NRG3: variants seen among roughly 807,000 people sequenced by gnomAD.
NRG3 encodes the protein neuregulin 3.
A neutral mutation model predicts 66.9 loss-of-function variants in NRG3; 31 were observed. That is an observed-to-expected ratio of 0.46 (90% confidence interval 0.35 to 0.63). The LOEUF (loss-of-function observed/expected upper bound fraction) is 0.63. Among genes scored for constraint, NRG3 ranks in the 20% least tolerant of loss-of-function variants. The pLI, the probability that NRG3 is intolerant of heterozygous loss-of-function variation, is 0.00. For synonymous variants in NRG3, 393 were observed against 359.4 expected, an observed-to-expected ratio of 1.09 and a Z score of -1.06; for missense variants, 910 against 878.9, an observed-to-expected ratio of 1.04 and a Z score of -0.45.
At chr10:82,828,249 A>G (rs2062339016) in intron 3 of NRG3, among the ~76,000 whole-genome samples, 1 of 152,234 alleles carries the variant, frequency 6.6e-6, no homozygotes, top group African/African-American at 2.4e-5. Context: ...CTAGGAATGT[A>G]CAAAGTTCAT....
At chr10:82,138,630 G>A (rs532624638) in intron 1 of NRG3, among the ~76,000 whole-genome samples, 1 of 152,270 alleles carries the variant, frequency 6.6e-6, no homozygotes, top group African/African-American at 2.4e-5. Flanking sequence ...TAGGCCATCT[G>A]CAAGTCGAGG....
chr10:82,900,637 G>A (rs759812251), intron 4 of NRG3, among the ~76,000 whole-genome samples: 4 of 151,976 alleles, frequency 2.6e-5, no homozygotes, highest in South Asian at 2.1e-4. Context: ...TTTTGCATGC[G>A]TTATTTCATT....
intron 1 of NRG3, among the ~76,000 whole-genome samples, chr10:82,145,444 T>A (rs574447060): frequency 1.3e-5 from 2 of 152,296 alleles, no homozygotes; most frequent in South Asian, 4.1e-4. Context: ...ATATCAAAGC[T>A]CATGTGTTCT....
intron 3 of NRG3, among the ~76,000 whole-genome samples, chr10:82,772,034 A>G (rs2059731102): frequency 6.6e-6 from 1 of 152,182 alleles, no homozygotes; most frequent in Admixed American, 6.5e-5. Flanking sequence ...ACATGGGATT[A>G]TGAATATTGT....
At chr10:82,596,631 A>G (rs1435981203) in intron 2 of NRG3, among the ~76,000 whole-genome samples, 1 of 152,168 alleles carries the variant, frequency 6.6e-6, no homozygotes, top group African/African-American at 2.4e-5. Flanking sequence ...GAACAACAAC[A>G]AAAAAGGGGC....
chr10:82,464,623 C>G (rs1233713609), intron 2 of NRG3, among the ~76,000 whole-genome samples: 2 of 152,170 alleles, frequency 1.3e-5, no homozygotes, highest in African/African-American at 4.8e-5. Context: ...TGGTCAGCAG[C>G]TTCTCAGCCC....
At chr10:82,519,238 T>C (rs760327937) in intron 2 of NRG3, among the ~76,000 whole-genome samples, 1 of 152,204 alleles carries the variant, frequency 6.6e-6, no homozygotes, top group Non-Finnish European at 1.5e-5. Flanking sequence ...GGAGAATCTA[T>C]AGTCTCATGG....
At chr10:82,914,053 A>G (rs73311337) in intron 4 of NRG3, among the ~76,000 whole-genome samples, 5,990 of 151,950 alleles carry the variant, frequency 0.039, 138 homozygotes, top group Middle Eastern at 0.1. Flanking sequence ...AAGCATACTG[A>G]GTCCTTCCTT....
intron 1 of NRG3, among the ~76,000 whole-genome samples, chr10:82,305,945 G>A (rs566594623): frequency 2.0e-5 from 3 of 152,254 alleles, no homozygotes; most frequent in African/African-American, 7.2e-5. Context: ...ATACCTGCAA[G>A]GTTTGACATT....
At chr10:82,723,705 C>T (rs1033515391) in intron 2 of NRG3, among the ~76,000 whole-genome samples, 7 of 152,138 alleles carry the variant, frequency 4.6e-5, no homozygotes, top group South Asian at 2.1e-4. Flanking sequence ...ATAGTCCAGG[C>T]GTGGTGGCTC....
chr10:82,060,078 T>C (rs2064063132), intron 1 of NRG3, among the ~76,000 whole-genome samples: 1 of 152,180 alleles, frequency 6.6e-6, no homozygotes. Flanking sequence ...CAATTAAGAT[T>C]GGCACAATAT....
chr10:82,824,281 G>T (rs1231194377), intron 3 of NRG3, among the ~76,000 whole-genome samples: 1 of 152,118 alleles, frequency 6.6e-6, no homozygotes, highest in Non-Finnish European at 1.5e-5. Context: ...ATCAACTGAT[G>T]GGCATCTTTC....
chr10:81,927,286 A>T (rs1846900444), intron 1 of NRG3, among the ~76,000 whole-genome samples: 2 of 152,168 alleles, frequency 1.3e-5, no homozygotes, highest in African/African-American at 2.4e-5. Context: ...CTGAATTATT[A>T]ATATCCTATC....
In NRG3 at chr10:82,840,367, T is replaced by C. The variant is rs2062997773; in HGVS notation, c.1028-25044T>C. 2.0e-5 allele frequency among the ~76,000 whole-genome samples: 3 copies of C among 152,124 alleles called. 1 individual carries two copies. The South Asian group carries it at 6.2e-4, about 32-fold the overall frequency. On this transcript the variant is annotated intron_variant, in intron 3 of 8. Transcript: ENST00000372141. Reference sequence around the variant, plus strand: ...TCTTGATCCTTTTTCTCCTACTTTGTTTCCCATAGCACTTATCACATTATA... The same window carrying C: ...TCTTGATCCTTTTTCTCCTACTTTGCTTCCCATAGCACTTATCACATTATA...
chr10:82,492,014 A>G (rs1843188770), intron 2 of NRG3, among the ~76,000 whole-genome samples: 1 of 152,228 alleles, frequency 6.6e-6, no homozygotes, highest in Non-Finnish European at 1.5e-5. Context: ...AGCAAAGTCT[A>G]GCCTCTCTAG....
intron 1 of NRG3, among the ~76,000 whole-genome samples, chr10:82,234,928 G>C (rs988711339): frequency 6.6e-6 from 1 of 152,248 alleles, no homozygotes; most frequent in Non-Finnish European, 1.5e-5. Flanking sequence ...TAATCGGGAT[G>C]TGTTTGTATT....
At chr10:82,298,298 G>A (rs1176012928) in intron 1 of NRG3, among the ~76,000 whole-genome samples, 1 of 151,362 alleles carries the variant, frequency 6.6e-6, no homozygotes, top group Non-Finnish European at 1.5e-5. Flanking sequence ...AAGGAAGGAA[G>A]GAAGGTGTGG....
chr10:82,704,207 G>C (rs1413289842), intron 2 of NRG3, among the ~76,000 whole-genome samples: 1 of 151,924 alleles, frequency 6.6e-6, no homozygotes, highest in Admixed American at 6.6e-5. Context: ...CTTTCAGATA[G>C]GTTTCATGAT....
intron 3 of NRG3, among the ~76,000 whole-genome samples, chr10:82,846,906 A>T (rs2063334190): frequency 6.6e-6 from 1 of 152,182 alleles, no homozygotes; most frequent in Admixed American, 6.5e-5. Context: ...AATTAAGATA[A>T]TGTTCAGCTG....
Sources: allele counts gnomAD v4.1 joint callset (sites outside exome capture counted in the v4.1 genomes callset), GRCh38; gene constraint gnomAD v4.1.1; transcripts MANE v1.5; gene names NCBI Gene and HGNC (gene_info 2026-07-23, HGNC 2026-07-21).